The following SH3BP5 variants were observed in gnomAD, a reference collection of about 807,000 sequenced individuals.
SH3BP5 encodes SH3 domain binding protein 5.
SH3BP5 carries 22 observed loss-of-function variants against 43.3 expected under a neutral mutation model. The observed-to-expected ratio is 0.51, with a 90% CI of 0.36 to 0.73. The LOEUF is 0.73. Ranked by LOEUF, SH3BP5 falls within the 30% of genes least tolerant of loss-of-function variation. The pLI is 0.00. For missense variants in SH3BP5, 529 were observed against 586.9 expected (o/e 0.90, Z 1.02); for synonymous variants, 255 against 225.8 (o/e 1.13, Z -1.16).
intron 5 of SH3BP5, chr3:15,260,152 C>G (rs776905220): frequency 8.0e-5 from 24 of 299,302 alleles, no homozygotes; most frequent in Non-Finnish European, 1.5e-4. Flanking sequence ...TAAGGGTGGC[C>G]TGGATCTGCT....
rs1011354050 is a variant in SH3BP5, at chr3:15,254,802, A to T, written c.*1284T>A. On this transcript the variant is annotated 3_prime_UTR_variant, in exon 9 of 9. Transcript: ENST00000383791. ...CCTTATGGAAAAAGGGTTGCCTAGAAGATTTAGGCAATACTGGGAGTTCTT... is the reference window on the plus strand; with the variant it reads ...CCTTATGGAAAAAGGGTTGCCTAGATGATTTAGGCAATACTGGGAGTTCTT... The T allele has an allele frequency of 7.2e-5, 11 of 152,206 alleles. No homozygotes were observed. The highest frequency in any genetic ancestry group is 1.2e-4 in the Non-Finnish European group (8 of 68,036). 9.4% of individuals were successfully genotyped at this position (152,206 alleles called of 1,614,324 possible). A position where few individuals can be genotyped will look rare whatever the true frequency, so the allele number is the denominator to read the frequency against.
At chr3:15,284,924 G>T (rs1033917639) in intron 3 of SH3BP5, among the ~76,000 whole-genome samples, 24 of 152,196 alleles carry the variant, frequency 1.6e-4, no homozygotes, top group Admixed American at 7.9e-4. Flanking sequence ...GAGTGCCCCA[G>T]ACCCAGGACC....
intron 3 of SH3BP5, among the ~76,000 whole-genome samples, chr3:15,295,596 G>A (rs1010101833): frequency 4.6e-5 from 7 of 152,176 alleles, no homozygotes; most frequent in African/African-American, 7.2e-5. Context: ...GATGAGCTTC[G>A]TTCAGGCAGA....
chr3:15,318,919 TAACA>T (rs1698251676), intron 2 of SH3BP5, among the ~76,000 whole-genome samples: 1 of 122,028 alleles, frequency 8.2e-6, no homozygotes, highest in Non-Finnish European at 1.7e-5. Context: ...AGTGTGGTTT[TAACA>T]AGTTCCAAGT....
upstream of SH3BP5, chr3:15,333,049 C>T (rs1018818932): frequency 4.1e-6 from 4 of 977,754 alleles, no homozygotes; most frequent in East Asian, 1.1e-4. Flanking sequence ...CCTCTCTGGG[C>T]GAGCCCCATA....
Position 15,301,552 on chromosome 3 carries a change from G to A in SH3BP5, c.330+2551C>T, listed in dbSNP as rs1311742823. Among the ~76,000 whole-genome samples, 3 of 152,140 alleles carry A rather than the reference G, an allele frequency of 2.0e-5. No homozygotes were observed. The East Asian group carries it at 5.8e-4, about 29-fold the overall frequency. ...GGAAAAAGGAAAGCAAGGCATGGGG[G>A]CTGGGGCTGGCAGGGATGGTGGGCT... On this transcript the variant is annotated intron_variant, in intron 3 of 8. Coordinates refer to ENST00000383791, the MANE Select transcript of SH3BP5 (RefSeq NM_004844.5).
chr3:15,259,055 T>A lies in SH3BP5; in HGVS notation c.670-5A>T. On this transcript the variant is annotated splice_polypyrimidine_tract_variant and splice_region_variant and intron_variant, in intron 6 of 8. Transcript: ENST00000383791. ...ATCCACAGTCTTTTTCAGTTGCTGA[T>A]CAAGAGAACAGGAGACTAAGTGAAG... The A allele has an allele frequency of 6.2e-7, 1 of 1,612,468 alleles. No homozygotes were observed. Among genetic ancestry groups the A allele is most frequent in the Non-Finnish European group, 8.5e-7 (1 of 1,178,414 alleles).
At position 15,256,967 on chromosome 3, in the gene SH3BP5, T is replaced by C; in HGVS notation, c.1036A>G (p.Ser346Gly). The stretch of plus-strand genomic sequence containing the variant: ...GACACAGGGCTGGGCAGATCCAGGC[T>C]GCCAGGCCTCACAACCGCAGGGAAC... ...DQFPAVVRPG[S>G]LDLPSPVSLS... The change falls in exon 8 of 9, where the codon AGC becomes GGC. Residue 346 changes from serine to glycine, a missense_variant. By Grantham distance (56) the Ser-to-Gly change is moderately conservative. This residue lies in a region of SH3BP5 where 369 missense variants were observed against 384.3 expected (regional missense o/e 0.96). Coordinates refer to ENST00000383791, the MANE Select transcript of SH3BP5 (RefSeq NM_004844.5). The C allele has an allele frequency of 1.9e-6, 3 of 1,614,230 alleles. No homozygotes were observed. The highest frequency in any genetic ancestry group is 2.5e-6 in the Non-Finnish European group (3 of 1,180,042).
chr3:15,273,350 C>G (rs371720276), intron 3 of SH3BP5: 37 of 985,386 alleles, frequency 3.8e-5, no homozygotes, highest in Middle Eastern at 1.0e-3. Context: ...GGGCCCAGCA[C>G]CTCTTCACAC....
intron 3 of SH3BP5, among the ~76,000 whole-genome samples, chr3:15,288,873 G>A (rs1697334953): frequency 6.6e-6 from 1 of 152,204 alleles, no homozygotes; most frequent in African/African-American, 2.4e-5. Flanking sequence ...TGGATTCTGT[G>A]ACTTTACAAA....
upstream of SH3BP5, among the ~76,000 whole-genome samples, chr3:15,334,779 C>A (rs745592034): frequency 1.3e-5 from 2 of 150,934 alleles, no homozygotes; most frequent in Non-Finnish European, 3.0e-5. Flanking sequence ...GGTGAAACAC[C>A]ATCTCTACAA....
At chr3:15,317,634 T>A (rs1698217120) in intron 2 of SH3BP5, among the ~76,000 whole-genome samples, 1 of 152,216 alleles carries the variant, frequency 6.6e-6, no homozygotes, top group Non-Finnish European at 1.5e-5. Context: ...AATAAAATTT[T>A]AAGTCTATTA....
intron 2 of SH3BP5, among the ~76,000 whole-genome samples, chr3:15,328,904 C>A (rs1698531498): frequency 6.6e-6 from 1 of 152,170 alleles, no homozygotes; most frequent in Non-Finnish European, 1.5e-5. Flanking sequence ...ACAGTGGCAA[C>A]TGGACTGTTT....
intron 3 of SH3BP5, among the ~76,000 whole-genome samples, chr3:15,278,937 A>AG (rs60022627): frequency 0.2 from 29,765 of 152,110 alleles, 3,324 homozygotes; most frequent in African/African-American, 0.3. Context: ...TGGGAGGCTG[A>AG]GGCGGGCAGA....
chr3:15,309,166 A>G (rs536454984), intron 2 of SH3BP5, among the ~76,000 whole-genome samples: 6 of 152,350 alleles, frequency 3.9e-5, no homozygotes, highest in African/African-American at 1.4e-4. Flanking sequence ...CACACAATAC[A>G]TACTACTTGG....
intron 3 of SH3BP5, 98 bp from the exon 4 acceptor site, chr3:15,269,975 C>T: frequency 9.1e-7 from 1 of 1,102,318 alleles, no homozygotes; most frequent in East Asian, 2.5e-5. Context: ...AGGACCAGGA[C>T]AAGCTCATCT....
At chr3:15,323,150 A>ATAAAT (rs1223995390) in intron 2 of SH3BP5, among the ~76,000 whole-genome samples, 5 of 151,914 alleles carry the variant, frequency 3.3e-5, no homozygotes, top group African/African-American at 1.2e-4. Flanking sequence ...AAATAAATAA[A>ATAAAT]TAAATAAATA....
At chr3:15,320,434 T>C (rs1698292893) in intron 2 of SH3BP5, among the ~76,000 whole-genome samples, 1 of 152,130 alleles carries the variant, frequency 6.6e-6, no homozygotes. Context: ...GCAAATTCTG[T>C]GATACTCTTG....
intron 5 of SH3BP5, 165 bp from the exon 6 acceptor site, chr3:15,259,968 G>T: frequency 1.5e-6 from 1 of 660,212 alleles, no homozygotes. Context: ...TCCTAGCTCT[G>T]GAGACTGACA....
Sources: gnomAD v4.1 joint callset for allele counts (sites outside exome capture counted in the v4.1 genomes callset) on GRCh38, gnomAD v4.1.1 for gene constraint, gnomAD v4.1.1 regional missense constraint, MANE v1.5 for transcripts, NCBI Gene and HGNC (gene_info 2026-07-23, HGNC 2026-07-21) for gene names.